The following GALNTL6 variants were observed in gnomAD, a reference collection of about 807,000 sequenced individuals.
GALNTL6 encodes the protein polypeptide N-acetylgalactosaminyltransferase like 6, also known as polypeptide N-acetylgalactosaminyltransferase-like 6.
Under a neutral mutation model 73.7 loss-of-function variants are expected in GALNTL6, and 46 were observed. That is an observed-to-expected ratio of 0.62 (90% confidence interval 0.49 to 0.80). The LOEUF (loss-of-function observed/expected upper bound fraction) is 0.80, where lower values mean the gene tolerates loss of function less well. GALNTL6 is among the 30% of genes least tolerant of loss of function. The pLI is 0.00. For synonymous variants in GALNTL6, 259 were observed against 263.7 expected, an observed-to-expected ratio of 0.98 and a Z score of 0.17; for missense variants, 604 against 755.0, an observed-to-expected ratio of 0.80 and a Z score of 2.34.
chr4:171,976,418 C>T (rs968711184), intron 2 of GALNTL6, among the ~76,000 whole-genome samples: 1 of 152,204 alleles, frequency 6.6e-6, no homozygotes, highest in Non-Finnish European at 1.5e-5. Context: ...CCAGAGAATG[C>T]TGTTTCTGCA....
chr4:172,272,503 G>A (rs903852514), intron 3 of GALNTL6, among the ~76,000 whole-genome samples: 2 of 152,110 alleles, frequency 1.3e-5, no homozygotes, highest in African/African-American at 2.4e-5. Context: ...ACTATAACAT[G>A]ATGATGTTTG....
chr4:172,622,145 A>G (rs1329138353), intron 5 of GALNTL6, among the ~76,000 whole-genome samples: 1 of 152,198 alleles, frequency 6.6e-6, no homozygotes, highest in Non-Finnish European at 1.5e-5. Context: ...ACAAGAAAAT[A>G]AGAAAAAGAA....
chr4:172,850,059 G>A (rs964284686), intron 7 of GALNTL6, among the ~76,000 whole-genome samples: 4 of 152,134 alleles, frequency 2.6e-5, no homozygotes, highest in African/African-American at 9.7e-5. Context: ...GCATATTTGG[G>A]TTTGGGAGTT....
intron 5 of GALNTL6, among the ~76,000 whole-genome samples, chr4:172,398,844 G>A (rs187657629): frequency 9.2e-5 from 14 of 151,924 alleles, no homozygotes; most frequent in East Asian, 3.9e-4. Context: ...ATACTGCCCT[G>A]CCCTTGCCAA....
intron 2 of GALNTL6, among the ~76,000 whole-genome samples, chr4:172,060,157 C>T (rs1731152520): frequency 6.6e-6 from 1 of 152,040 alleles, no homozygotes; most frequent in African/African-American, 2.4e-5. Flanking sequence ...CAAATTAATA[C>T]CATCTTAACC....
At chr4:172,518,236 T>G (rs917594037) in intron 5 of GALNTL6, among the ~76,000 whole-genome samples, 4 of 152,026 alleles carry the variant, frequency 2.6e-5, no homozygotes, top group Non-Finnish European at 5.9e-5. Context: ...TCTATTTTTC[T>G]TCTTAATTTT....
intron 2 of GALNTL6, among the ~76,000 whole-genome samples, chr4:172,000,431 C>A (rs1740641144): frequency 6.6e-6 from 1 of 152,088 alleles, no homozygotes; most frequent in African/African-American, 2.4e-5. Flanking sequence ...GGGTGTTTAT[C>A]CATCAATTTC....
intron 5 of GALNTL6, among the ~76,000 whole-genome samples, chr4:172,712,467 G>A (rs796967039): frequency 1.2e-4 from 18 of 151,946 alleles, no homozygotes; most frequent in African/African-American, 3.9e-4. Flanking sequence ...AACAGGCCCC[G>A]GTGTGTGATG....
At chr4:172,067,284 T>C (rs144249011) in intron 2 of GALNTL6, among the ~76,000 whole-genome samples, 1 of 152,258 alleles carries the variant, frequency 6.6e-6, no homozygotes, top group African/African-American at 2.4e-5. Context: ...GTCAGTCTTC[T>C]AAATATTGAG....
intron 5 of GALNTL6, among the ~76,000 whole-genome samples, chr4:172,600,596 A>T (rs1330640376): frequency 3.9e-5 from 6 of 152,180 alleles, no homozygotes; most frequent in African/African-American, 1.4e-4. Flanking sequence ...CTGGAGTAAA[A>T]CTACGTAAGT....
chr4:172,678,333 G>A (rs928592361), intron 5 of GALNTL6, among the ~76,000 whole-genome samples: 3 of 145,450 alleles, frequency 2.1e-5, no homozygotes, highest in African/African-American at 5.1e-5. Flanking sequence ...AAGAATCTCC[G>A]TTCTTTACTA....
chr4:172,519,677 T>C (rs543786440), intron 5 of GALNTL6, among the ~76,000 whole-genome samples: 1 of 151,740 alleles, frequency 6.6e-6, no homozygotes, highest in Non-Finnish European at 1.5e-5. Flanking sequence ...TTTTTATAAG[T>C]ACTGAGCGAA....
At chr4:172,892,336 G>T (rs1053526865) in intron 8 of GALNTL6, among the ~76,000 whole-genome samples, 67 of 152,074 alleles carry the variant, frequency 4.4e-4, no homozygotes, top group African/African-American at 1.5e-3. Flanking sequence ...TTCCCTTGAG[G>T]GTTTGACTGT....
At chr4:172,224,690 C>T (rs1736792056) in intron 2 of GALNTL6, among the ~76,000 whole-genome samples, 2 of 152,146 alleles carry the variant, frequency 1.3e-5, no homozygotes, top group Admixed American at 6.6e-5. Flanking sequence ...CCCATCACTC[C>T]TTAGAGTAGT....
At chr4:172,027,914 G>A (rs1741639102) in intron 2 of GALNTL6, among the ~76,000 whole-genome samples, 1 of 152,096 alleles carries the variant, frequency 6.6e-6, no homozygotes, top group Admixed American at 6.6e-5. Flanking sequence ...AAAGTATGGA[G>A]GTAGCAGAGA....
At chr4:172,211,201 A>G (rs77255060) in intron 2 of GALNTL6, among the ~76,000 whole-genome samples, 4,855 of 152,218 alleles carry the variant, frequency 0.032, 100 homozygotes, top group Middle Eastern at 0.082. Flanking sequence ...ATAATCAACC[A>G]TTTCCCCAAG....
intron 2 of GALNTL6, among the ~76,000 whole-genome samples, chr4:171,974,784 C>T (rs1309320120): frequency 6.6e-6 from 1 of 152,028 alleles, no homozygotes; most frequent in African/African-American, 2.4e-5. Context: ...TTGCAATAGC[C>T]TAATGAAAGA....
intron 3 of GALNTL6, among the ~76,000 whole-genome samples, chr4:172,308,448 T>C (rs1740234860): frequency 6.6e-6 from 1 of 152,056 alleles, no homozygotes; most frequent in African/African-American, 2.4e-5. Flanking sequence ...TCCCATTCAA[T>C]ATAATGTTGC....
chr4:172,452,589 A>G (rs921922518), intron 5 of GALNTL6, among the ~76,000 whole-genome samples: 1 of 152,220 alleles, frequency 6.6e-6, no homozygotes, highest in Non-Finnish European at 1.5e-5. Flanking sequence ...TATTCTTAGG[A>G]TACTCAGATG....
Sources: gnomAD v4.1 joint callset for allele counts (sites outside exome capture counted in the v4.1 genomes callset) on GRCh38, gnomAD v4.1.1 for gene constraint, MANE v1.5 for transcripts, NCBI Gene and HGNC (gene_info 2026-07-23, HGNC 2026-07-21) for gene names.